RFTN1: variants seen among roughly 807,000 people sequenced by gnomAD.
The protein encoded by RFTN1 is raftlin, lipid raft linker 1.
A neutral mutation model predicts 46.5 loss-of-function variants in RFTN1; 26 were observed. The observed-to-expected ratio is 0.56, with a 90% CI of 0.41 to 0.78. RFTN1 has a LOEUF of 0.78. Ranked by LOEUF, RFTN1 falls within the 30% of genes least tolerant of loss-of-function variation. The pLI, the probability that RFTN1 is intolerant of heterozygous loss-of-function variation, is 0.00. For missense variants in RFTN1, 693 were observed against 718.7 expected (o/e 0.96, Z 0.41); for synonymous variants, 261 against 284.2 (o/e 0.92, Z 0.82).
At chr3:16,408,108 C>T (rs568917348) in intron 4 of RFTN1, among the ~76,000 whole-genome samples, 1 of 152,250 alleles carries the variant, frequency 6.6e-6, no homozygotes, top group African/African-American at 2.4e-5. Flanking sequence ...GCCCCTTCTC[C>T]CGACCCTCAC....
At chr3:16,403,155 G>T (rs766523018) in intron 4 of RFTN1, among the ~76,000 whole-genome samples, 1 of 152,128 alleles carries the variant, frequency 6.6e-6, no homozygotes, top group Non-Finnish European at 1.5e-5. Flanking sequence ...ACGCGTTATG[G>T]CCATTTGCCT....
intron 2 of RFTN1, among the ~76,000 whole-genome samples, chr3:16,455,524 T>C (rs2075890612): frequency 6.6e-6 from 1 of 152,148 alleles, no homozygotes; most frequent in Non-Finnish European, 1.5e-5. Context: ...CAGCTGTATG[T>C]AAGGATTAGG....
At chr3:16,393,651 CTTTTTT>C (rs35917033) in intron 4 of RFTN1, among the ~76,000 whole-genome samples, 5 of 141,702 alleles carry the variant, frequency 3.5e-5, no homozygotes, top group Non-Finnish European at 7.5e-5. Context: ...AGCTGATGGA[CTTTTTT>C]TTTTTAATTT....
chr3:16,456,808 A>C (rs575590749), intron 2 of RFTN1, among the ~76,000 whole-genome samples: 1 of 152,320 alleles, frequency 6.6e-6, no homozygotes, highest in Admixed American at 6.5e-5. Flanking sequence ...AAGGCGAACA[A>C]AGGTCTTAGT....
chr3:16,376,952 C>T lies in RFTN1; in HGVS notation c.826+766G>A, dbSNP rs966388436. On this transcript the variant is annotated intron_variant, in intron 5 of 9. Transcript: ENST00000334133. The surrounding 1 kb of genome is among the most constrained non-coding windows in gnomAD (Gnocchi z 4.7). ...ATCCAGAAAGGCCTAAACAGAAAGC[C>T]CTCCTAAGCCCTGGGGGTCTTCTGT... Among the ~76,000 whole-genome samples the T allele has an allele frequency of 1.1e-4, 16 of 151,986 alleles. No homozygotes were observed. Among genetic ancestry groups the T allele is most frequent in the African/African-American group, 3.6e-4 (15 of 41,354 alleles).
At position 16,449,890 on chromosome 3, in the gene RFTN1, G is replaced by C. The variant is rs186201988; in HGVS notation, c.146-15853C>G. ...GCGTGTCTGCAATGGAACTGCAGAA[G>C]CCTAGAGAGCTGGTTCTAGAAAATG... On this transcript the variant is annotated intron_variant, in intron 2 of 9. Coordinates refer to ENST00000334133, the MANE Select transcript of RFTN1 (RefSeq NM_015150.2). The surrounding 1 kb of genome is among the most constrained non-coding windows in gnomAD (Gnocchi z 5.1). 1.5e-3 allele frequency among the ~76,000 whole-genome samples: 227 copies of C among 152,302 alleles called. 1 individual carries two copies. Among genetic ancestry groups the C allele is most frequent in the African/African-American group, 5.1e-3 (213 of 41,560 alleles).
intron 4 of RFTN1, among the ~76,000 whole-genome samples, chr3:16,395,867 A>G (rs842487): frequency 0.4 from 60,830 of 152,222 alleles, 14,225 homozygotes; most frequent in Non-Finnish European, 0.5. Context: ...TGCTGGGATT[A>G]TAAGTGTGAA....
At position 16,377,853 on chromosome 3, in the gene RFTN1, C is replaced by T. The variant is rs200471259; in HGVS notation, c.691G>A (p.Val231Met). The change falls in exon 5 of 10, where the codon GTG (valine) becomes ATG (methionine). Residue 231 changes from valine (V) to methionine (M), a missense_variant. Coordinates refer to ENST00000334133, the MANE Select transcript of RFTN1 (RefSeq NM_015150.2). ...PEPSSGPRGE[V>M]PLAKQPSSPS... ...GAGCTGGGCTGCTTGGCGAGGGGCACCTCCCCTCTGGGGCCTGAGCTGGGC... is the reference window on the plus strand; with the variant it reads ...GAGCTGGGCTGCTTGGCGAGGGGCATCTCCCCTCTGGGGCCTGAGCTGGGC... 5.2e-5 allele frequency: 84 copies of T among 1,614,112 alleles called. No homozygotes were observed. Among genetic ancestry groups the T allele is most frequent in the Admixed American group, 1.5e-4 (9 of 60,014 alleles).
Position 16,457,628 on chromosome 3 carries a change from G to A in RFTN1, c.146-23591C>T, listed in dbSNP as rs984364746. On this transcript the variant is annotated intron_variant, in intron 2 of 9. Coordinates refer to ENST00000334133, the MANE Select transcript of RFTN1 (RefSeq NM_015150.2). The surrounding 1 kb of genome is among the most constrained non-coding windows in gnomAD (Gnocchi z 4.2). ...TAATAAAATTTTAGTTTTTTGTTTC[G>A]GTGCCTCTGATTGAAAGTGGCAAGT... Among the ~76,000 whole-genome samples, 7 of 151,666 alleles carry A rather than the reference G, an allele frequency of 4.6e-5. No homozygotes were observed. The highest frequency in any genetic ancestry group is 7.3e-5 in the African/African-American group (3 of 41,270).
rs1423155278 is a variant in RFTN1, at chr3:16,400,299, TC to T, written c.441+9075del. 6.6e-6 allele frequency among the ~76,000 whole-genome samples: 1 copy of T among 151,924 alleles called. No homozygotes were observed. The highest frequency in any genetic ancestry group is 2.4e-5 in the African/African-American group (1 of 41,368). On this transcript the variant is annotated intron_variant, in intron 4 of 9. Coordinates refer to ENST00000334133, the MANE Select transcript of RFTN1 (RefSeq NM_015150.2). The surrounding 1 kb of genome is among the most constrained non-coding windows in gnomAD (Gnocchi z 4.5). The stretch of plus-strand genomic sequence containing the variant: ...GGCTTTGTCTGAGCTGCTCCAGGAG[TC>T]CCCACCACCTCCACCCTCCCTCCCC...
In RFTN1 at chr3:16,507,314, T is replaced by C. The variant is rs746807637; in HGVS notation, c.-9+6128A>G. Among the ~76,000 whole-genome samples, 7 of 152,184 alleles carry C rather than the reference T, an allele frequency of 4.6e-5. No individual in the cohort carries two copies. The highest frequency in any genetic ancestry group is 8.8e-5 in the Non-Finnish European group (6 of 68,030). On this transcript the variant is annotated intron_variant, in intron 1 of 9. Coordinates refer to ENST00000334133, the MANE Select transcript of RFTN1 (RefSeq NM_015150.2). The surrounding 1 kb of genome is among the most constrained non-coding windows in gnomAD (Gnocchi z 7.1). Reference sequence around the variant, plus strand: ...TATGCCACACTGAAAAGGGCACTTATAAGGTATCATAAGACACCAGAAAAT... The same window carrying C: ...TATGCCACACTGAAAAGGGCACTTACAAGGTATCATAAGACACCAGAAAAT...
chr3:16,460,646 G>A lies in RFTN1; in HGVS notation c.146-26609C>T, dbSNP rs566585841. Among the ~76,000 whole-genome samples the A allele has an allele frequency of 7.2e-5, 11 of 152,182 alleles. No individual in the cohort carries two copies. Among genetic ancestry groups the A allele is most frequent in the African/African-American group, 2.6e-4 (11 of 41,528 alleles). ...TTCTCATTTTCTCCTTTTTTGGTGA[G>A]GGTAGAAATATCATGTAAGAGGCCT... On this transcript the variant is annotated intron_variant, in intron 2 of 9. Transcript: ENST00000334133. The surrounding 1 kb of genome is among the most constrained non-coding windows in gnomAD (Gnocchi z 4.8).
Position 16,382,669 on chromosome 3 carries a change from C to T in RFTN1, c.442-4567G>A, listed in dbSNP as rs2074032426. Among the ~76,000 whole-genome samples the T allele has an allele frequency of 6.6e-6, 1 of 152,210 alleles. No homozygotes were observed. The highest frequency in any genetic ancestry group is 2.1e-4 in the South Asian group (1 of 4,824). On this transcript the variant is annotated intron_variant, in intron 4 of 9. Coordinates refer to ENST00000334133, the MANE Select transcript of RFTN1 (RefSeq NM_015150.2). The surrounding 1 kb of genome is among the most constrained non-coding windows in gnomAD (Gnocchi z 4.7). ...CTGACGGGTCCACTGTTGATCTGGT[C>T]TCACCAGCTGGAATCACAGTATCTT... is the stretch of plus-strand genomic sequence containing the variant.
At chr3:16,350,521 C>G (rs981115189) in intron 7 of RFTN1, among the ~76,000 whole-genome samples, 2 of 150,994 alleles carry the variant, frequency 1.3e-5, no homozygotes, top group Non-Finnish European at 2.9e-5. Context: ...GGAAAAGGCA[C>G]TCATCCATAC....
chr3:16,423,016 A>C (rs1559339251), intron 3 of RFTN1, among the ~76,000 whole-genome samples: 1 of 151,960 alleles, frequency 6.6e-6, no homozygotes, highest in Non-Finnish European at 1.5e-5. Flanking sequence ...AATACAAAAA[A>C]AATTAGCCGG....
chr3:16,463,170 T>A (rs1450963135), intron 2 of RFTN1, among the ~76,000 whole-genome samples: 1 of 152,240 alleles, frequency 6.6e-6, no homozygotes, highest in Non-Finnish European at 1.5e-5. Context: ...GTACAACTTC[T>A]TGAATCTATG....
chr3:16,468,343 G>A lies in RFTN1; in HGVS notation c.145+25382C>T, dbSNP rs1242048083. Among the ~76,000 whole-genome samples the A allele has an allele frequency of 2.6e-5, 4 of 152,110 alleles. No individual in the cohort carries two copies. The highest frequency in any genetic ancestry group is 9.7e-5 in the African/African-American group (4 of 41,396). On this transcript the variant is annotated intron_variant, in intron 2 of 9. Transcript: ENST00000334133. The surrounding 1 kb of genome is among the most constrained non-coding windows in gnomAD (Gnocchi z 4.4). ...ACCTGCATTCTGTCTCGAGTTTCCGGTAGATAAGTAGGGCTCCCTTAGATG... is the reference window on the plus strand; with the variant it reads ...ACCTGCATTCTGTCTCGAGTTTCCGATAGATAAGTAGGGCTCCCTTAGATG...
In RFTN1 at chr3:16,345,815, TGTGCGCGCGC is replaced by T. The variant is rs1284981906; in HGVS notation, c.1146+12107_1146+12116del. Among the ~76,000 whole-genome samples, 5 of 82,346 alleles carry T rather than the reference TGTGCGCGCGC, an allele frequency of 6.1e-5. No homozygotes were observed. Among genetic ancestry groups the T allele is most frequent in the African/African-American group, 3.0e-4 (4 of 13,354 alleles). The allele number at this position is 82,346 out of a possible 152,430, so 54.0% of individuals were successfully genotyped here. ...GTGTGTGTGTGTGTGTGTGTGTGTGTGTGCGCGCGCGCGTGCGCGCACGCGCACATGTGCA... is the reference window on the plus strand; with the variant it reads ...GTGTGTGTGTGTGTGTGTGTGTGTGTGCGTGCGCGCACGCGCACATGTGCA... On this transcript the variant is annotated intron_variant, in intron 7 of 9. Coordinates refer to ENST00000334133, the MANE Select transcript of RFTN1 (RefSeq NM_015150.2). The surrounding 1 kb of genome is among the most constrained non-coding windows in gnomAD (Gnocchi z 5.2).
Position 16,475,067 on chromosome 3 carries a change from C to T in RFTN1, c.145+18658G>A, listed in dbSNP as rs1197435132. Among the ~76,000 whole-genome samples, 6 of 152,124 alleles carry T rather than the reference C, an allele frequency of 3.9e-5. No individual in the cohort carries two copies. Among genetic ancestry groups the T allele is most frequent in the Non-Finnish European group, 8.8e-5 (6 of 68,026 alleles). On this transcript the variant is annotated intron_variant, in intron 2 of 9. Transcript: ENST00000334133. This position sits in a 1 kb window ranked among gnomAD's most constrained non-coding sequence, Gnocchi z 4.2. ...TCCTTCGAGGTAATGAGTGAGTTCA[C>T]GTGAGAACTGGTTGTTTAAAAGAGC...
Sources: allele counts gnomAD v4.1 joint callset (sites outside exome capture counted in the v4.1 genomes callset), GRCh38; gene constraint gnomAD v4.1.1; non-coding constraint Gnocchi (gnomAD v3.1); transcripts MANE v1.5; gene names NCBI Gene and HGNC (gene_info 2026-07-23, HGNC 2026-07-21).